GPC6: variants seen among roughly 807,000 people sequenced by gnomAD.
GPC6 encodes the protein glypican-6.
GPC6 carries 14 observed loss-of-function variants against 55.2 expected under a neutral mutation model. The ratio of observed to expected loss-of-function variants is 0.25; its 90% CI spans 0.17 to 0.40. The LOEUF (loss-of-function observed/expected upper bound fraction) is 0.40, where lower values mean the gene tolerates loss of function less well. GPC6 is among the 10% of genes least tolerant of loss of function. The probability of loss-of-function intolerance (pLI) is 1.00; values close to 1 mark genes in which losing one functional copy is unlikely to be tolerated. For missense variants in GPC6, 641 were observed against 708.5 expected (o/e 0.90, Z 1.08); for synonymous variants, 278 against 259.6 (o/e 1.07, Z -0.68).
At chr13:94,148,024 T>C (rs1566466140) in intron 4 of GPC6, among the ~76,000 whole-genome samples, 1 of 152,064 alleles carries the variant, frequency 6.6e-6, no homozygotes, top group Non-Finnish European at 1.5e-5. Flanking sequence ...TCACAGAAAA[T>C]ATTCCAGCAA....
intron 1 of GPC6, among the ~76,000 whole-genome samples, chr13:93,384,180 T>C (rs908697478): frequency 6.6e-6 from 1 of 152,172 alleles, no homozygotes; most frequent in East Asian, 1.9e-4. Flanking sequence ...TTACTTCTAT[T>C]ATTAAAATAT....
intron 1 of GPC6, among the ~76,000 whole-genome samples, chr13:93,292,067 G>C (rs1244000727): frequency 1.3e-5 from 2 of 152,060 alleles, no homozygotes; most frequent in African/African-American, 4.8e-5. Context: ...TGTAAATGAG[G>C]GTTGACAGTA....
chr13:93,910,199 A>G (rs1594580034), intron 3 of GPC6, among the ~76,000 whole-genome samples: 1 of 152,078 alleles, frequency 6.6e-6, no homozygotes, highest in South Asian at 2.1e-4. Flanking sequence ...TTATTAAATC[A>G]TGGGGGTGGG....
At chr13:94,022,208 A>G (rs1019845508) in intron 3 of GPC6, among the ~76,000 whole-genome samples, 10 of 152,006 alleles carry the variant, frequency 6.6e-5, no homozygotes, top group Non-Finnish European at 1.5e-4. Flanking sequence ...CATAATTGCT[A>G]CTTTTCATCC....
At chr13:94,316,368 G>A (rs950913157) in intron 6 of GPC6, among the ~76,000 whole-genome samples, 4 of 152,190 alleles carry the variant, frequency 2.6e-5, no homozygotes, top group Admixed American at 6.5e-5. Flanking sequence ...TGAAGGCAGT[G>A]TCTCAAAGGA....
chr13:93,443,969 C>A (rs1001978802), intron 1 of GPC6, among the ~76,000 whole-genome samples: 1 of 152,140 alleles, frequency 6.6e-6, no homozygotes, highest in African/African-American at 2.4e-5. Flanking sequence ...ACCATTATAT[C>A]CGCTTGGGAG....
Position 93,775,282 on chromosome 13 carries a change from G to A in GPC6, c.320-54872G>A, listed in dbSNP as rs539174958. ...AGCCTCCCGAGTAGCTGGGACCATA[G>A]GCGCACACTGCCTCCTGGCATTCTC... is the stretch of plus-strand genomic sequence containing the variant. On this transcript the variant is annotated intron_variant, in intron 2 of 8. Coordinates refer to ENST00000377047, the MANE Select transcript of GPC6 (RefSeq NM_005708.5). Among the ~76,000 whole-genome samples the A allele has an allele frequency of 5.3e-5, 8 of 152,256 alleles. No homozygotes were observed. The South Asian group carries it at 6.2e-4, about 12-fold the overall frequency.
At chr13:93,404,754 A>C (rs1876222795) in intron 1 of GPC6, among the ~76,000 whole-genome samples, 1 of 152,190 alleles carries the variant, frequency 6.6e-6, no homozygotes, top group Admixed American at 6.5e-5. Flanking sequence ...TTATGATAAC[A>C]GAATTAGGTT....
intron 1 of GPC6, among the ~76,000 whole-genome samples, chr13:93,434,802 G>A (rs906927132): frequency 6.6e-6 from 1 of 152,124 alleles, no homozygotes; most frequent in Non-Finnish European, 1.5e-5. Context: ...CACCTCCAGG[G>A]TTCAAACTAT....
At chr13:93,775,194 A>G (rs1761303227) in intron 2 of GPC6, among the ~76,000 whole-genome samples, 1 of 152,162 alleles carries the variant, frequency 6.6e-6, no homozygotes, top group South Asian at 2.1e-4. Context: ...TTCAAGAGAC[A>G]GAGTCTTGCT....
At chr13:93,597,833 T>A (rs915892103) in intron 2 of GPC6, among the ~76,000 whole-genome samples, 8 of 152,106 alleles carry the variant, frequency 5.3e-5, no homozygotes, top group Admixed American at 5.2e-4. Context: ...TTTTAATAGT[T>A]ATGCTTCTGG....
intron 2 of GPC6, among the ~76,000 whole-genome samples, chr13:93,688,644 T>A (rs922760919): frequency 4.6e-5 from 7 of 152,040 alleles, no homozygotes; most frequent in African/African-American, 1.7e-4. Context: ...CTTGAAAATA[T>A]TATTTAATGA....
intron 4 of GPC6, among the ~76,000 whole-genome samples, chr13:94,254,065 A>C (rs780096804): frequency 3.3e-5 from 5 of 152,138 alleles, no homozygotes; most frequent in Non-Finnish European, 5.9e-5. Flanking sequence ...AAAATGCATT[A>C]ATGTTTACAA....
chr13:94,231,119 G>T (rs1240460797), intron 4 of GPC6, among the ~76,000 whole-genome samples: 1 of 152,098 alleles, frequency 6.6e-6, no homozygotes, highest in Non-Finnish European at 1.5e-5. Context: ...CCTAGCACAA[G>T]GTTTGGTGTA....
chr13:93,218,058 A>G, the GPC6 span, among the ~76,000 whole-genome samples: 2 of 151,410 alleles, frequency 1.3e-5, no homozygotes, highest in African/African-American at 2.4e-5. Context: ...CTTGCTTCAG[A>G]CACCTCCCTG....
chr13:94,184,322 A>T (rs922197324), intron 4 of GPC6, among the ~76,000 whole-genome samples: 3 of 146,332 alleles, frequency 2.1e-5, no homozygotes, highest in African/African-American at 8.0e-5. Flanking sequence ...AAAAACAAAG[A>T]AAAAAAAAAC....
At chr13:94,240,337 A>C (rs1891016499) in intron 4 of GPC6, among the ~76,000 whole-genome samples, 1 of 152,098 alleles carries the variant, frequency 6.6e-6, no homozygotes, top group South Asian at 2.1e-4. Flanking sequence ...TGATTACTTT[A>C]TCAATTTTAT....
chr13:94,016,997 G>A (rs1308090895), intron 3 of GPC6, among the ~76,000 whole-genome samples: 1 of 152,032 alleles, frequency 6.6e-6, no homozygotes, highest in East Asian at 1.9e-4. Flanking sequence ...ACCATGCCCA[G>A]CTAATTTTTG....
intron 5 of GPC6, among the ~76,000 whole-genome samples, chr13:94,288,961 A>AGATAGATAGATCGATAGATC (rs1555316178): frequency 7.6e-6 from 1 of 131,148 alleles, no homozygotes; most frequent in African/African-American, 2.9e-5. Context: ...ATATATAGAT[A>AGATAGATAGATCGATAGATC]GATAGATAGA....
Sources: gnomAD v4.1 joint callset for allele counts (sites outside exome capture counted in the v4.1 genomes callset) on GRCh38, gnomAD v4.1.1 for gene constraint, MANE v1.5 for transcripts, NCBI Gene and HGNC (gene_info 2026-07-23, HGNC 2026-07-21) for gene names.